The following TAFA1 variants were observed in gnomAD, a reference collection of about 807,000 sequenced individuals.
TAFA1 encodes chemokine-like protein TAFA-1.
TAFA1 carries 4 observed loss-of-function variants against 18.5 expected under a neutral mutation model. That is an observed-to-expected ratio of 0.22 (90% CI 0.11 to 0.49). The LOEUF is 0.49. Ranked by LOEUF, TAFA1 falls within the 20% of genes least tolerant of loss-of-function variation. The pLI is 0.98. For synonymous variants in TAFA1, 56 were observed against 55.2 expected, an observed-to-expected ratio of 1.01 and a Z score of -0.06; for missense variants, 147 against 169.0, an observed-to-expected ratio of 0.87 and a Z score of 0.72.
chr3:68,376,130 C>G (rs2069810994), intron 2 of TAFA1, among the ~76,000 whole-genome samples: 1 of 152,048 alleles, frequency 6.6e-6, no homozygotes, highest in Non-Finnish European at 1.5e-5. Context: ...AGCTCCAGGT[C>G]CTCAATGTTA....
chr3:68,348,457 G>A (rs1423315327), intron 2 of TAFA1, among the ~76,000 whole-genome samples: 10 of 151,974 alleles, frequency 6.6e-5, no homozygotes, highest in Admixed American at 1.3e-4. Flanking sequence ...AGCTTATTTC[G>A]TCTTACTCAT....
At chr3:68,448,844 A>G (rs1032946719) in intron 3 of TAFA1, among the ~76,000 whole-genome samples, 1 of 152,186 alleles carries the variant, frequency 6.6e-6, no homozygotes, top group African/African-American at 2.4e-5. Context: ...AGACTGATGT[A>G]GAGAAGAAAA....
At chr3:68,513,842 A>G (rs1285302432) in intron 3 of TAFA1, among the ~76,000 whole-genome samples, 2 of 152,202 alleles carry the variant, frequency 1.3e-5, no homozygotes, top group African/African-American at 4.8e-5. Flanking sequence ...TTTTTTCTCA[A>G]GTAGCTTTTG....
intron 2 of TAFA1, among the ~76,000 whole-genome samples, chr3:68,022,951 G>T (rs1421738192): frequency 6.8e-6 from 1 of 147,334 alleles, no homozygotes. Context: ...TTACCACTGT[G>T]AGAAAGTTAC....
At chr3:68,502,642 A>G (rs1365573807) in intron 3 of TAFA1, among the ~76,000 whole-genome samples, 1 of 151,688 alleles carries the variant, frequency 6.6e-6, no homozygotes, top group East Asian at 1.9e-4. Flanking sequence ...CTGCTTGCCT[A>G]TTCCCCCCTG....
At chr3:68,031,605 G>C (rs1247595136) in intron 2 of TAFA1, among the ~76,000 whole-genome samples, 1 of 152,192 alleles carries the variant, frequency 6.6e-6, no homozygotes, top group Non-Finnish European at 1.5e-5. Flanking sequence ...ATTTCCATTT[G>C]CTGAAATGTT....
At chr3:68,305,047 A>G (rs1435958140) in intron 2 of TAFA1, among the ~76,000 whole-genome samples, 1 of 152,036 alleles carries the variant, frequency 6.6e-6, no homozygotes, top group Non-Finnish European at 1.5e-5. Flanking sequence ...GCTTAGCACA[A>G]CAAAAATCTA....
chr3:68,241,560 G>A (rs1446892425), intron 2 of TAFA1, among the ~76,000 whole-genome samples: 1 of 152,142 alleles, frequency 6.6e-6, no homozygotes, highest in Non-Finnish European at 1.5e-5. Flanking sequence ...CCAGCTAAGT[G>A]TGCTTTTCCT....
At chr3:68,529,626 G>A (rs1387750199) in intron 3 of TAFA1, among the ~76,000 whole-genome samples, 1 of 152,070 alleles carries the variant, frequency 6.6e-6, no homozygotes, top group Admixed American at 6.5e-5. Context: ...TGGGCATCTG[G>A]TGAAAGCTTC....
At chr3:68,441,946 A>C (rs2071390805) in intron 3 of TAFA1, among the ~76,000 whole-genome samples, 1 of 152,192 alleles carries the variant, frequency 6.6e-6, no homozygotes, top group Non-Finnish European at 1.5e-5. Flanking sequence ...TGTGCACTTT[A>C]CATGGAAGGA....
At chr3:68,071,981 G>A (rs919555482) in intron 2 of TAFA1, among the ~76,000 whole-genome samples, 1 of 151,832 alleles carries the variant, frequency 6.6e-6, no homozygotes, top group East Asian at 1.9e-4. Context: ...ATAAAATTTG[G>A]GTAAGGACAA....
intron 2 of TAFA1, among the ~76,000 whole-genome samples, chr3:68,087,252 G>A (rs1160730456): frequency 6.6e-6 from 1 of 152,144 alleles, no homozygotes; most frequent in Non-Finnish European, 1.5e-5. Flanking sequence ...GGAAATAGAT[G>A]TTAATTTGGT....
intron 2 of TAFA1, among the ~76,000 whole-genome samples, chr3:68,397,293 T>G (rs1664368457): frequency 6.6e-6 from 1 of 152,156 alleles, no homozygotes; most frequent in Non-Finnish European, 1.5e-5. Context: ...GTATTTGTCC[T>G]AATGCTGTCC....
At chr3:68,028,116 A>G (rs1231269575) in intron 2 of TAFA1, among the ~76,000 whole-genome samples, 3 of 152,168 alleles carry the variant, frequency 2.0e-5, no homozygotes, top group African/African-American at 7.2e-5. Context: ...CCTGGCCAAC[A>G]TGGTGAAACC....
intron 2 of TAFA1, among the ~76,000 whole-genome samples, chr3:68,074,591 G>A (rs1020202146): frequency 6.6e-6 from 1 of 152,132 alleles, no homozygotes; most frequent in East Asian, 1.9e-4. Flanking sequence ...AGTATATAAG[G>A]CTTCTGACAA....
chr3:68,452,907 A>G (rs796933483), intron 3 of TAFA1, among the ~76,000 whole-genome samples: 4 of 152,250 alleles, frequency 2.6e-5, no homozygotes, highest in African/African-American at 7.2e-5. Context: ...TTTTCAATCG[A>G]TTCTGAATAT....
chr3:68,503,927 CATT>C, intron 3 of TAFA1, among the ~76,000 whole-genome samples: 1 of 152,032 alleles, frequency 6.6e-6, no homozygotes. Flanking sequence ...TGATCATCAT[CATT>C]ATATTATCAT....
At chr3:68,174,427 T>A (rs569001785) in intron 2 of TAFA1, among the ~76,000 whole-genome samples, 1 of 152,128 alleles carries the variant, frequency 6.6e-6, no homozygotes, top group East Asian at 1.9e-4. Context: ...TTGAATGACT[T>A]TGACAAAAAT....
At chr3:68,409,256 T>C (rs928674201) in intron 2 of TAFA1, among the ~76,000 whole-genome samples, 18 of 152,188 alleles carry the variant, frequency 1.2e-4, no homozygotes, top group Non-Finnish European at 2.9e-5. Context: ...GTTGTGATAA[T>C]TTAAAGTTGT....
Sources: allele counts gnomAD v4.1 joint callset (sites outside exome capture counted in the v4.1 genomes callset), GRCh38; gene constraint gnomAD v4.1.1; transcripts MANE v1.5; gene names NCBI Gene and HGNC (gene_info 2026-07-23, HGNC 2026-07-21).